The following LETM1 variants were observed in gnomAD, a reference collection of about 807,000 sequenced individuals.
LETM1 encodes the protein mitochondrial proton/calcium exchanger protein.
Under a neutral mutation model 74.5 loss-of-function variants are expected in LETM1, and 50 were observed. The ratio of observed to expected loss-of-function variants is 0.67; its 90% CI spans 0.53 to 0.85. LETM1 has a LOEUF of 0.85. Ranked by LOEUF, LETM1 falls within the 40% of genes least tolerant of loss-of-function variation. LETM1 has a pLI of 0.00. For missense variants in LETM1, 824 were observed against 967.8 expected (o/e 0.85, Z 1.97); for synonymous variants, 446 against 407.1 (o/e 1.10, Z -1.15).
In LETM1 at chr4:1,836,364, CAAGG is replaced by C; in HGVS notation, c.738+61_738+64del. 1 of 1,547,322 alleles carries C rather than the reference CAAGG, an allele frequency of 6.5e-7. No homozygotes were observed. Among genetic ancestry groups the C allele is most frequent in the East Asian group, 2.3e-5 (1 of 44,400 alleles). ...TATCTAGCACCTGAAAAGTCACAAACAAGGAAGCCATCACAATGAATTTCAGACT... is the reference window on the plus strand; with the variant it reads ...TATCTAGCACCTGAAAAGTCACAAACAAGCCATCACAATGAATTTCAGACT... On this transcript the variant is annotated intron_variant, in intron 4 of 13. Transcript: ENST00000302787. The surrounding 1 kb of genome is among the most constrained non-coding windows in gnomAD (Gnocchi z 5.8).
intron 4 of LETM1, among the ~76,000 whole-genome samples, chr4:1,835,382 T>C (rs1489643963): frequency 1.3e-5 from 2 of 151,510 alleles, no homozygotes; most frequent in East Asian, 3.9e-4. Context: ...GAGGCTACAG[T>C]GAGCTGAGAT....
rs376601155 is a variant in LETM1 at position 1,824,660 on chromosome 4, G to T, written c.1201-885C>A. Among the ~76,000 whole-genome samples the T allele has an allele frequency of 7.2e-5, 11 of 152,290 alleles. No individual in the cohort carries two copies. The South Asian group carries it at 2.3e-3, about 32-fold the overall frequency. Reference sequence around the variant, plus strand: ...GAAAAGTGTGAACACATGACACTCGGGCCCCCAATGCGCCACACTCCCCTG... The same window carrying T: ...GAAAAGTGTGAACACATGACACTCGTGCCCCCAATGCGCCACACTCCCCTG... On this transcript the variant is annotated intron_variant, in intron 7 of 13. Coordinates refer to ENST00000302787, the MANE Select transcript of LETM1 (RefSeq NM_012318.3).
chr4:1,844,607 T>C (rs774703367), intron 2 of LETM1, among the ~76,000 whole-genome samples: 15 of 152,088 alleles, frequency 9.9e-5, no homozygotes, highest in Non-Finnish European at 2.1e-4. Flanking sequence ...GGCACACACC[T>C]GTAATCTCAG....
At position 1,842,380 on chromosome 4, in the gene LETM1, C is replaced by T. The variant is rs562909002; in HGVS notation, c.144-583G>A. Among the ~76,000 whole-genome samples, 4 of 152,342 alleles carry T rather than the reference C, an allele frequency of 2.6e-5. No individual in the cohort carries two copies. In the South Asian group the frequency reaches 6.2e-4, roughly 24 times the overall value. On this transcript the variant is annotated intron_variant, in intron 2 of 13. Transcript: ENST00000302787. ...CCAAGGCCCATCTCCTCCTCCTCTA[C>T]CCACCTGCCCACTCTGTCCGGCACC...
At chr4:1,830,810 G>T (rs746117061) in intron 6 of LETM1, among the ~76,000 whole-genome samples, 1 of 152,106 alleles carries the variant, frequency 6.6e-6, no homozygotes, top group African/African-American at 2.4e-5. Flanking sequence ...GGTACCAGGC[G>T]TTGCTTTTTC....
intron 6 of LETM1, among the ~76,000 whole-genome samples, chr4:1,826,601 G>A (rs73799008): frequency 0.022 from 3,418 of 152,320 alleles, 127 homozygotes; most frequent in African/African-American, 0.079. Flanking sequence ...AGTCACCTCT[G>A]GGGTTCCCTG....
chr4:1,813,259 C>G lies in LETM1; in HGVS notation c.*1165G>C, dbSNP rs141358038. 2 of 152,364 alleles carry G rather than the reference C, an allele frequency of 1.3e-5. No homozygotes were observed. The highest frequency in any genetic ancestry group is 2.9e-5 in the Non-Finnish European group (2 of 68,038). The allele number at this position is 152,364 out of a possible 1,614,324, so 9.4% of individuals were successfully genotyped here. ...CAGCTGCTTTCCTGGACGCCTGTGC[C>G]GTTCCTGTCTTCCAAATCCTATGCT... is the stretch of plus-strand genomic sequence containing the variant. On this transcript the variant is annotated 3_prime_UTR_variant, in exon 14 of 14. Coordinates refer to ENST00000302787, the MANE Select transcript of LETM1 (RefSeq NM_012318.3).
rs112963620 is a variant in LETM1 at position 1,816,894 on chromosome 4, C to G, written c.1764G>C (p.Lys588Asn). The G allele has an allele frequency of 1.9e-5, 31 of 1,613,318 alleles. No homozygotes were observed. In the African/African-American group the frequency reaches 3.5e-4, roughly 18 times the overall value. ...TTTCTTCACCAGTCTTTGAAAGTTC[C>G]TTCTTGATCTCCTGCAAGTCCTAAT... ...DYSEDLQEIK[K>N]ELSKTGEEKY... is the part of the protein sequence containing the mutation. The change falls in exon 12 of 14, where the codon AAG becomes AAC. Residue 588 changes from lysine to asparagine, a missense_variant. Physicochemically the swap from Lys to Asn is moderately conservative, Grantham distance 94 (BLOSUM62 0). Transcript: ENST00000302787.
At chr4:1,825,304 G>C (rs1711943372) in intron 7 of LETM1, among the ~76,000 whole-genome samples, 1 of 152,228 alleles carries the variant, frequency 6.6e-6, no homozygotes, top group Non-Finnish European at 1.5e-5. Flanking sequence ...AGTTATTAAG[G>C]TCTTTAAAAT....
In LETM1 at chr4:1,825,566, G is replaced by C. The variant is rs768463193; in HGVS notation, c.1198C>G (p.Gln400Glu). The C allele has an allele frequency of 1.2e-6, 2 of 1,611,516 alleles. No individual in the cohort carries two copies. The highest frequency in any genetic ancestry group is 2.2e-5 in the South Asian group (2 of 91,002). The change falls in exon 7 of 14, where the codon CAG (glutamine) becomes GAG (glutamate). Residue 400 changes from glutamine to glutamate, a missense_variant and splice_region_variant. Gln to Glu is a conservative substitution (Grantham distance 29). This residue lies in a region of LETM1 where 269 missense variants were observed against 348.8 expected (regional missense o/e 0.77). Transcript: ENST00000302787. Reference sequence around the variant, plus strand: ...GCACCAGGCCAATATTCACGCACCTGCTTCAGCTGACCCCTCAGGCGGTCT... The same window carrying C: ...GCACCAGGCCAATATTCACGCACCTCCTTCAGCTGACCCCTCAGGCGGTCT... The part of the protein sequence containing the change: ...TEDRLRGQLK[Q>E]WLDLHLHQEI...
At chr4:1,818,677 AAAG>A (rs1173874870) in intron 11 of LETM1, among the ~76,000 whole-genome samples, 2 of 152,200 alleles carry the variant, frequency 1.3e-5, no homozygotes, top group Non-Finnish European at 1.5e-5. Context: ...ATTTACAAAA[AAAG>A]GGAAACAAAC....
At chr4:1,849,350 C>T (rs1712992086) in intron 1 of LETM1, 141 bp from the exon 2 acceptor site, 2 of 637,458 alleles carry the variant, frequency 3.1e-6, no homozygotes, top group African/African-American at 1.8e-5. Context: ...CTGCAACCTC[C>T]ACCTCCTGGG....
intron 6 of LETM1, among the ~76,000 whole-genome samples, chr4:1,832,169 G>A (rs1374989507): frequency 6.6e-6 from 1 of 152,312 alleles, no homozygotes; most frequent in East Asian, 1.9e-4. Flanking sequence ...GGGTATGGTG[G>A]CGGGCGCCTG....
chr4:1,844,156 GGAGCCATCCA>G (rs1433302599), intron 2 of LETM1, among the ~76,000 whole-genome samples: 2 of 152,210 alleles, frequency 1.3e-5, no homozygotes, highest in Non-Finnish European at 2.9e-5. Flanking sequence ...GTGAAGGCAG[GGAGCCATCCA>G]GAGTTGGGCA....
rs577048812 is a variant in LETM1 at position 1,832,791 on chromosome 4, G to A, written c.1033C>T (p.Arg345Cys). The A allele has an allele frequency of 1.2e-6, 2 of 1,614,204 alleles. No individual in the cohort carries two copies. Among genetic ancestry groups the A allele is most frequent in the East Asian group, 2.2e-5 (1 of 44,886 alleles). Residue 345 changes from arginine (R) to cysteine (C), a missense_variant, in exon 6 of 14, where the codon CGC becomes TGC. Coordinates refer to ENST00000302787, the MANE Select transcript of LETM1 (RefSeq NM_012318.3). ...LQSIGTNNFL[R>C]FQLTMRLRSI... Reference sequence around the variant, plus strand: ...CGCAGCCGCATGGTAAGCTGGAAGCGCAGGAAGTTGTTGGTGCCGATGGAC... The same window carrying A: ...CGCAGCCGCATGGTAAGCTGGAAGCACAGGAAGTTGTTGGTGCCGATGGAC...
chr4:1,817,349 G>C (rs1711605814), intron 11 of LETM1, among the ~76,000 whole-genome samples: 1 of 151,844 alleles, frequency 6.6e-6, no homozygotes, highest in Admixed American at 6.6e-5. Flanking sequence ...TTGAGGACAG[G>C]AGTTCGAAAC....
At chr4:1,852,251 G>C (rs1007429425) in intron 1 of LETM1, among the ~76,000 whole-genome samples, 21 of 152,188 alleles carry the variant, frequency 1.4e-4, no homozygotes, top group Admixed American at 1.4e-3. Context: ...TCATTCACAA[G>C]AATGACTCAG....
intron 2 of LETM1, among the ~76,000 whole-genome samples, chr4:1,847,168 C>T (rs2108855244): frequency 6.6e-6 from 1 of 151,774 alleles, no homozygotes; most frequent in Non-Finnish European, 1.5e-5. Flanking sequence ...CCTGTCTCTA[C>T]AAAAAATACC....
chr4:1,835,093 A>C, intron 4 of LETM1, 111 bp from the exon 5 acceptor site: 2 of 979,852 alleles, frequency 2.0e-6, no homozygotes, highest in African/African-American at 1.6e-5. Flanking sequence ...TTCACAACAC[A>C]CTGACTCTCA....
Sources: allele counts gnomAD v4.1 joint callset (sites outside exome capture counted in the v4.1 genomes callset), GRCh38; gene constraint gnomAD v4.1.1; regional missense constraint gnomAD v4.1.1; non-coding constraint Gnocchi (gnomAD v3.1); transcripts MANE v1.5; gene names NCBI Gene and HGNC (gene_info 2026-07-23, HGNC 2026-07-21).